The following CHIC2 variants were observed in gnomAD, a reference collection of about 807,000 sequenced individuals.
CHIC2 encodes cysteine-rich hydrophobic domain-containing protein 2.
Under a neutral mutation model 25.9 loss-of-function variants are expected in CHIC2, and 14 were observed. That is an observed-to-expected ratio of 0.54 (90% CI 0.36 to 0.85). CHIC2 has a LOEUF of 0.85. Ranked by LOEUF, CHIC2 falls within the 40% of genes least tolerant of loss-of-function variation. The pLI is 0.01. For synonymous variants in CHIC2, 70 were observed against 72.0 expected (o/e 0.97, Z 0.14); for missense variants, 146 against 202.0 (o/e 0.72, Z 1.68).
chr4:54,063,279 CAAGAGAT>C (rs1717393286), intron 1 of CHIC2, among the ~76,000 whole-genome samples: 3 of 152,134 alleles, frequency 2.0e-5, no homozygotes, highest in Non-Finnish European at 4.4e-5. Flanking sequence ...ATTATTTGAA[CAAGAGAT>C]CTAAAATGAG....
chr4:54,058,968 C>T (rs1057434601), intron 1 of CHIC2, among the ~76,000 whole-genome samples: 1 of 152,120 alleles, frequency 6.6e-6, no homozygotes, highest in South Asian at 2.1e-4. Flanking sequence ...AATTTCATAT[C>T]CCTTGGTAGG....
intron 3 of CHIC2, among the ~76,000 whole-genome samples, chr4:54,024,978 C>T (rs1716013673): frequency 6.6e-6 from 1 of 152,152 alleles, no homozygotes; most frequent in Non-Finnish European, 1.5e-5. Flanking sequence ...TCCCACGCCG[C>T]CCCTAATCCC....
chr4:54,030,666 ATT>A (rs201197122), intron 3 of CHIC2, among the ~76,000 whole-genome samples: 47 of 134,660 alleles, frequency 3.5e-4, no homozygotes, highest in African/African-American at 1.0e-3. Flanking sequence ...TAAAATGCTA[ATT>A]TTTTTTTTTT....
the CHIC2 span, among the ~76,000 whole-genome samples, chr4:54,089,407 A>G: frequency 2.6e-5 from 4 of 151,450 alleles, no homozygotes; most frequent in Admixed American, 1.3e-4. Flanking sequence ...ATATATATAT[A>G]TATATATACA....
chr4:54,058,559 TACACACACACACAC>T (rs36034143), intron 1 of CHIC2, among the ~76,000 whole-genome samples: 140 of 138,580 alleles, frequency 1.0e-3, no homozygotes, highest in Admixed American at 1.2e-3. Flanking sequence ...TACACACACA[TACACACACACACAC>T]ACACACACAC....
chr4:54,013,763 T>C (rs1375866268), intron 5 of CHIC2, 74 bp downstream of exon 5: 7 of 1,457,386 alleles, frequency 4.8e-6, no homozygotes, highest in Middle Eastern at 1.8e-4. Flanking sequence ...TTAATAATCA[T>C]GGAAAGAATA....
intron 5 of CHIC2, among the ~76,000 whole-genome samples, chr4:54,013,342 A>T (rs913330385): frequency 1.3e-5 from 2 of 152,134 alleles, no homozygotes; most frequent in Non-Finnish European, 2.9e-5. Flanking sequence ...TTTAATTTTT[A>T]CAAAGCAGTA....
intron 3 of CHIC2, among the ~76,000 whole-genome samples, chr4:54,040,703 CAAAA>C (rs71200354): frequency 1.2e-4 from 7 of 59,316 alleles, no homozygotes; most frequent in East Asian, 7.4e-4. Flanking sequence ...AACTCTGTCT[CAAAA>C]AAAAAAAAAA....
intron 3 of CHIC2, among the ~76,000 whole-genome samples, chr4:54,046,410 G>A (rs946213815): frequency 1.2e-4 from 19 of 152,094 alleles, no homozygotes; most frequent in African/African-American, 4.1e-4. Context: ...ATACTACAAG[G>A]ATACAGTAAC....
At chr4:54,049,657 A>G (rs1461163044) in intron 1 of CHIC2, among the ~76,000 whole-genome samples, 1 of 152,172 alleles carries the variant, frequency 6.6e-6, no homozygotes, top group Non-Finnish European at 1.5e-5. Context: ...GATTTTTTCC[A>G]GCTTTTAATG....
chr4:54,046,751 T>G (rs1396356300), intron 3 of CHIC2, among the ~76,000 whole-genome samples: 1 of 152,198 alleles, frequency 6.6e-6, no homozygotes, highest in Non-Finnish European at 1.5e-5. Flanking sequence ...AAGGACTTCA[T>G]GTCTAAAACA....
upstream of CHIC2, among the ~76,000 whole-genome samples, chr4:54,068,004 A>G (rs532109217): frequency 6.7e-6 from 1 of 150,022 alleles, no homozygotes; most frequent in Non-Finnish European, 1.5e-5. Context: ...AATTAGGTTG[A>G]GATGAGGTCA....
intron 5 of CHIC2, among the ~76,000 whole-genome samples, chr4:54,013,415 T>C (rs925864317): frequency 6.6e-6 from 1 of 152,084 alleles, no homozygotes. Flanking sequence ...TTAAAATCTA[T>C]AAAGGGTAAA....
At position 54,028,628 on chromosome 4, in the gene CHIC2, A is replaced by G. The variant is rs547062015; in HGVS notation, c.331-14509T>C. Reference sequence around the variant, plus strand: ...ATTAAATTAAAAGAGAATGTATGTAATGTGCCTTGCTAATAGCCGGTATAC... The same window carrying G: ...ATTAAATTAAAAGAGAATGTATGTAGTGTGCCTTGCTAATAGCCGGTATAC... On this transcript the variant is annotated intron_variant, in intron 3 of 5. Transcript: ENST00000263921. 2.0e-5 allele frequency among the ~76,000 whole-genome samples: 3 copies of G among 152,322 alleles called. No individual in the cohort carries two copies. The South Asian group carries it at 6.2e-4, about 32-fold the overall frequency.
chr4:54,052,445 T>C (rs988727249), intron 1 of CHIC2, among the ~76,000 whole-genome samples: 2 of 152,160 alleles, frequency 1.3e-5, no homozygotes, highest in Non-Finnish European at 1.5e-5. Context: ...GTAAAAATAA[T>C]TTCCTTTATT....
At chr4:54,055,171 G>A (rs1717137361) in intron 1 of CHIC2, among the ~76,000 whole-genome samples, 1 of 152,076 alleles carries the variant, frequency 6.6e-6, no homozygotes, top group African/African-American at 2.4e-5. Context: ...ATGGATTCTT[G>A]CTATGTTGCC....
chr4:54,034,404 C>CAA (rs34526100), intron 3 of CHIC2, among the ~76,000 whole-genome samples: 1 of 145,386 alleles, frequency 6.9e-6, no homozygotes, highest in Non-Finnish European at 1.5e-5. Context: ...AACTCTGTCT[C>CAA]AAAAAAAAAA....
At chr4:54,084,691 G>A in the CHIC2 span, among the ~76,000 whole-genome samples, 2 of 152,090 alleles carry the variant, frequency 1.3e-5, no homozygotes, top group Admixed American at 1.3e-4. Flanking sequence ...TGTAATCCCA[G>A]TACGTTGGGA....
chr4:54,026,636 A>G (rs1716065665), intron 3 of CHIC2, among the ~76,000 whole-genome samples: 1 of 152,240 alleles, frequency 6.6e-6, no homozygotes, highest in African/African-American at 2.4e-5. Flanking sequence ...TACTAAACAA[A>G]GCTGGAAAAC....
Sources: allele counts gnomAD v4.1 joint callset (sites outside exome capture counted in the v4.1 genomes callset), GRCh38; gene constraint gnomAD v4.1.1; transcripts MANE v1.5; gene names NCBI Gene and HGNC (gene_info 2026-07-23, HGNC 2026-07-21).